HACD2: variants seen among roughly 807,000 people sequenced by gnomAD.
HACD2 encodes the protein very-long-chain (3R)-3-hydroxyacyl-CoA dehydratase 2.
In HACD2, 15 loss-of-function variants were observed where a neutral mutation model predicts 31.0. The ratio of observed to expected loss-of-function variants is 0.48; its 90% CI spans 0.32 to 0.75. The LOEUF (loss-of-function observed/expected upper bound fraction) is 0.75, where lower values mean the gene tolerates loss of function less well. Ranked by LOEUF, HACD2 falls within the 30% of genes least tolerant of loss-of-function variation. HACD2 has a pLI of 0.03. For missense variants in HACD2, 283 were observed against 313.0 expected (o/e 0.90, Z 0.72); for synonymous variants, 115 against 122.2 (o/e 0.94, Z 0.39).
chr3:123,538,085 G>A (rs559267335), intron 3 of HACD2, among the ~76,000 whole-genome samples: 39 of 152,270 alleles, frequency 2.6e-4, no homozygotes, highest in African/African-American at 9.4e-4. Flanking sequence ...CAAACACCAT[G>A]GGACTCAGAA....
intron 3 of HACD2, among the ~76,000 whole-genome samples, chr3:123,531,704 T>C (rs564874372): frequency 1.3e-5 from 2 of 152,336 alleles, no homozygotes; most frequent in African/African-American, 4.8e-5. Flanking sequence ...CTAAGCATAT[T>C]TTAAACCAGT....
chr3:123,532,558 C>T (rs2056375549), intron 3 of HACD2, among the ~76,000 whole-genome samples: 1 of 152,178 alleles, frequency 6.6e-6, no homozygotes, highest in Non-Finnish European at 1.5e-5. Flanking sequence ...AGGCCAGGCA[C>T]AGTGGCTTAC....
intron 3 of HACD2, among the ~76,000 whole-genome samples, chr3:123,541,060 T>A (rs963616437): frequency 2.6e-5 from 4 of 152,086 alleles, no homozygotes; most frequent in Admixed American, 1.3e-4. Context: ...CACCTGAGGT[T>A]AGGAGTTCGA....
chr3:123,533,337 C>T (rs1372908500), intron 3 of HACD2, among the ~76,000 whole-genome samples: 3 of 152,180 alleles, frequency 2.0e-5, no homozygotes, highest in African/African-American at 7.2e-5. Context: ...TTAGCAGAGA[C>T]AGGGTTTCGC....
At chr3:123,516,583 C>A (rs1461732284) in intron 4 of HACD2, among the ~76,000 whole-genome samples, 1 of 152,166 alleles carries the variant, frequency 6.6e-6, no homozygotes. Flanking sequence ...TTAAAAAGTT[C>A]TTACCATTAC....
At chr3:123,507,894 A>G (rs994330727) in intron 4 of HACD2, among the ~76,000 whole-genome samples, 6 of 152,112 alleles carry the variant, frequency 3.9e-5, no homozygotes, top group African/African-American at 7.2e-5. Flanking sequence ...ATACTTCTGT[A>G]AAGTTATTTA....
In HACD2 at chr3:123,493,881, A is replaced by G. The variant is rs1449679847; in HGVS notation, c.*1007T>C. Reference sequence around the variant, plus strand: ...GCAAAAGTATCCAAACAGAAGAGTGAATGAAAATTTAAAAATAAAACAATA... The same window carrying G: ...GCAAAAGTATCCAAACAGAAGAGTGGATGAAAATTTAAAAATAAAACAATA... On this transcript the variant is annotated 3_prime_UTR_variant, in exon 7 of 7. Transcript: ENST00000383657. 1 of 152,236 alleles carries G rather than the reference A, an allele frequency of 6.6e-6. No individual in the cohort carries two copies. The highest frequency in any genetic ancestry group is 1.5e-5 in the Non-Finnish European group (1 of 68,046). 9.4% of individuals were successfully genotyped at this position (152,236 alleles called of 1,614,324 possible).
chr3:123,527,753 G>A (rs541249739), intron 4 of HACD2, among the ~76,000 whole-genome samples: 170 of 152,342 alleles, frequency 1.1e-3, no homozygotes, highest in Non-Finnish European at 2.0e-3. Context: ...TGTTTTGCTG[G>A]TGAACCTCAA....
At chr3:123,582,607 A>C (rs146555587) in intron 1 of HACD2, among the ~76,000 whole-genome samples, 5 of 152,320 alleles carry the variant, frequency 3.3e-5, no homozygotes, top group Non-Finnish European at 7.3e-5. Context: ...ATCAAGGCCA[A>C]AAGGAAAGGA....
Position 123,494,669 on chromosome 3 carries a change from C to T in HACD2, c.*219G>A, listed in dbSNP as rs775180123. On this transcript the variant is annotated 3_prime_UTR_variant, in exon 7 of 7. Coordinates refer to ENST00000383657, the MANE Select transcript of HACD2 (RefSeq NM_198402.5). ...TATTAAGAACTTCTGGTTGAAAGAG[C>T]ATGCTGAAATGAACTGGCCAGGGTG... 1 of 554,138 alleles carries T rather than the reference C, an allele frequency of 1.8e-6. No individual in the cohort carries two copies. Among genetic ancestry groups the T allele is most frequent in the Non-Finnish European group, 3.2e-6 (1 of 316,582 alleles). The allele number at this position is 554,138 out of a possible 1,614,324, so 34.3% of individuals were successfully genotyped here. A position where few individuals can be genotyped will look rare whatever the true frequency, so the allele number is the denominator to read the frequency against.
At chr3:123,532,004 A>G (rs2056368127) in intron 3 of HACD2, among the ~76,000 whole-genome samples, 1 of 152,198 alleles carries the variant, frequency 6.6e-6, no homozygotes. Context: ...GTCAAATGGC[A>G]TGAATGTTTT....
intron 3 of HACD2, among the ~76,000 whole-genome samples, chr3:123,540,920 T>G (rs1414025571): frequency 6.6e-6 from 1 of 152,180 alleles, no homozygotes; most frequent in Non-Finnish European, 1.5e-5. Context: ...TTTTAAAAAT[T>G]TATCAAATAC....
intron 3 of HACD2, among the ~76,000 whole-genome samples, chr3:123,534,689 G>A (rs2056403940): frequency 6.6e-6 from 1 of 151,986 alleles, no homozygotes; most frequent in Admixed American, 6.6e-5. Flanking sequence ...ATTGTTATAG[G>A]AGATGGCAGC....
intron 3 of HACD2, among the ~76,000 whole-genome samples, chr3:123,547,023 C>T (rs146516039): frequency 1.3e-5 from 2 of 152,230 alleles, no homozygotes; most frequent in East Asian, 1.9e-4. Flanking sequence ...CTTTCTCTTA[C>T]AATTTTGACA....
chr3:123,551,123 A>G (rs146419901), intron 3 of HACD2, among the ~76,000 whole-genome samples: 1 of 152,116 alleles, frequency 6.6e-6, no homozygotes, highest in South Asian at 2.1e-4. Flanking sequence ...TATCATGGAA[A>G]AGGGTTCCAG....
intron 3 of HACD2, among the ~76,000 whole-genome samples, chr3:123,553,413 A>C (rs748236411): frequency 5.2e-5 from 8 of 152,382 alleles, no homozygotes; most frequent in Non-Finnish European, 7.3e-5. Context: ...AAGGCTACAG[A>C]AAAAGTCTTA....
intron 2 of HACD2, among the ~76,000 whole-genome samples, chr3:123,570,226 C>T (rs1050732442): frequency 6.6e-6 from 1 of 152,064 alleles, no homozygotes; most frequent in East Asian, 1.9e-4. Flanking sequence ...GACCTACCTA[C>T]ACAAAATTTT....
At chr3:123,580,190 G>C (rs886324521) in intron 2 of HACD2, among the ~76,000 whole-genome samples, 1 of 150,514 alleles carries the variant, frequency 6.6e-6, no homozygotes, top group African/African-American at 2.4e-5. Context: ...AAAAAAGAAA[G>C]AAAGAAAAAA....
chr3:123,519,294 C>T (rs2056184438), intron 4 of HACD2, among the ~76,000 whole-genome samples: 1 of 152,112 alleles, frequency 6.6e-6, no homozygotes, highest in Non-Finnish European at 1.5e-5. Flanking sequence ...AGAAGTACAC[C>T]AGGGTTTTAC....
Sources: gnomAD v4.1 joint callset for allele counts (sites outside exome capture counted in the v4.1 genomes callset) on GRCh38, gnomAD v4.1.1 for gene constraint, MANE v1.5 for transcripts, NCBI Gene and HGNC (gene_info 2026-07-23, HGNC 2026-07-21) for gene names.